SDCCAG8: variants seen among roughly 807,000 people sequenced by gnomAD.
The protein encoded by SDCCAG8 is SHH signaling and ciliogenesis regulator SDCCAG8.
In SDCCAG8, 74 loss-of-function variants were observed where a neutral mutation model predicts 101.8. That is an observed-to-expected ratio of 0.73 (90% CI 0.60 to 0.88). SDCCAG8 has a LOEUF of 0.88. Ranked by LOEUF, SDCCAG8 falls within the 40% of genes least tolerant of loss-of-function variation. The probability of loss-of-function intolerance (pLI) is 0.00; values close to 1 mark genes in which losing one functional copy is unlikely to be tolerated. For synonymous variants in SDCCAG8, 281 were observed against 292.9 expected (o/e 0.96, Z 0.41); for missense variants, 787 against 822.6 (o/e 0.96, Z 0.53).
chr1:243,270,708 T>G (rs954574838), intron 2 of SDCCAG8, among the ~76,000 whole-genome samples: 2 of 152,312 alleles, frequency 1.3e-5, no homozygotes, highest in East Asian at 3.9e-4. Context: ...AATTAGCTTC[T>G]TCCTCTTCTT....
chr1:243,373,030 C>A (rs1171159983), intron 12 of SDCCAG8, among the ~76,000 whole-genome samples: 6 of 150,964 alleles, frequency 4.0e-5, no homozygotes, highest in Non-Finnish European at 8.9e-5. Context: ...TAGGAAATGT[C>A]AGAGCACATC....
chr1:243,384,690 C>G lies in SDCCAG8; in HGVS notation c.1616+5827C>G, dbSNP rs576703257. ...ATGTACTGTGGTGCACACCTGCAGT[C>G]CCAGAAACTTGGGAGGCTGAGGTAG... On this transcript the variant is annotated intron_variant, in intron 13 of 17. Coordinates refer to ENST00000366541, the MANE Select transcript of SDCCAG8 (RefSeq NM_006642.5). 3.3e-4 allele frequency among the ~76,000 whole-genome samples: 50 copies of G among 152,112 alleles called. No homozygotes were observed. The South Asian group carries it at 7.3e-3, about 22-fold the overall frequency.
At chr1:243,383,843 C>A (rs1487435893) in intron 13 of SDCCAG8, among the ~76,000 whole-genome samples, 1 of 152,178 alleles carries the variant, frequency 6.6e-6, no homozygotes, top group Non-Finnish European at 1.5e-5. Flanking sequence ...CTCTTACCTG[C>A]TGATTTCCAG....
intron 13 of SDCCAG8, among the ~76,000 whole-genome samples, chr1:243,413,220 T>G (rs2148006751): frequency 6.6e-6 from 1 of 152,318 alleles, no homozygotes; most frequent in Middle Eastern, 3.4e-3. Flanking sequence ...TATTTATCTA[T>G]TTTGAGACAG....
intron 6 of SDCCAG8, among the ~76,000 whole-genome samples, chr1:243,302,246 TCAAAA>T (rs902245997): frequency 7.2e-5 from 11 of 152,052 alleles, no homozygotes; most frequent in Admixed American, 1.3e-4. Flanking sequence ...AGAATCTGTC[TCAAAA>T]CAAAACAAAA....
At chr1:243,329,724 A>G (rs1296978623) in intron 9 of SDCCAG8, among the ~76,000 whole-genome samples, 1 of 152,180 alleles carries the variant, frequency 6.6e-6, no homozygotes, top group Non-Finnish European at 1.5e-5. Context: ...TACCCCATAT[A>G]TTTATACAAA....
chr1:243,372,146 A>G (rs1412904916), intron 12 of SDCCAG8, among the ~76,000 whole-genome samples: 4 of 152,112 alleles, frequency 2.6e-5, no homozygotes, highest in East Asian at 3.8e-4. Context: ...TCAGTATTAT[A>G]TACTACCTTA....
chr1:243,263,104 A>G (rs562202973), intron 1 of SDCCAG8, among the ~76,000 whole-genome samples: 15 of 152,324 alleles, frequency 9.8e-5, no homozygotes, highest in African/African-American at 2.6e-4. Flanking sequence ...TTTTCCATCA[A>G]GAGGCGGCAA....
rs542632635 is a variant in SDCCAG8 at position 243,353,490 on chromosome 1, CAAAAAA to C, written c.1473+9187_1473+9192del. ...TGGGCAGCAGAGCAAGATTCCATCT[CAAAAAA>C]AAAAAAAAAAAAAAAAAAAAAAAAA... On this transcript the variant is annotated intron_variant, in intron 12 of 17. Coordinates refer to ENST00000366541, the MANE Select transcript of SDCCAG8 (RefSeq NM_006642.5). 5.4e-4 allele frequency among the ~76,000 whole-genome samples: 15 copies of C among 27,604 alleles called. No homozygotes were observed. In the East Asian group the frequency reaches 6.8e-3, roughly 12 times the overall value. The allele number at this position is 27,604 out of a possible 152,430, so 18.1% of individuals were successfully genotyped here. A position where few individuals can be genotyped will look rare whatever the true frequency, so the allele number is the denominator to read the frequency against.
intron 12 of SDCCAG8, among the ~76,000 whole-genome samples, chr1:243,372,704 A>G (rs952816637): frequency 6.6e-6 from 1 of 151,668 alleles, no homozygotes; most frequent in Non-Finnish European, 1.5e-5. Flanking sequence ...TTTTTTAAGA[A>G]GTGGAATTGG....
At chr1:243,291,589 T>C (rs550746557) in intron 5 of SDCCAG8, among the ~76,000 whole-genome samples, 1 of 152,328 alleles carries the variant, frequency 6.6e-6, no homozygotes, top group Admixed American at 6.5e-5. Context: ...TTCTTTTTAC[T>C]GAAGATAAAT....
intron 7 of SDCCAG8, chr1:243,306,212 A>T (rs1311186064): frequency 6.6e-6 from 1 of 151,138 alleles, no homozygotes; most frequent in Non-Finnish European, 1.5e-5. Flanking sequence ...TCTCTTAGAG[A>T]TTTTTACTTT....
At chr1:243,418,322 A>G (rs2148019395) in intron 15 of SDCCAG8, among the ~76,000 whole-genome samples, 1 of 152,304 alleles carries the variant, frequency 6.6e-6, no homozygotes, top group South Asian at 2.1e-4. Flanking sequence ...AAAACTGTGA[A>G]ATTTCAGGAA....
intron 10 of SDCCAG8, among the ~76,000 whole-genome samples, chr1:243,331,613 A>C (rs1000027849): frequency 2.6e-5 from 4 of 152,110 alleles, no homozygotes; most frequent in Non-Finnish European, 5.9e-5. Flanking sequence ...CATTTTTAAA[A>C]ATTGTGTCTG....
intron 13 of SDCCAG8, among the ~76,000 whole-genome samples, chr1:243,404,686 A>G (rs2079635259): frequency 6.6e-6 from 1 of 152,182 alleles, no homozygotes; most frequent in Non-Finnish European, 1.5e-5. Context: ...CAAACTCTAA[A>G]AATGGACTAC....
chr1:243,481,917 C>G (rs1326207388), intron 16 of SDCCAG8, among the ~76,000 whole-genome samples: 1 of 152,204 alleles, frequency 6.6e-6, no homozygotes, highest in Non-Finnish European at 1.5e-5. Context: ...AGGATATAGG[C>G]CCCCTCTGGG....
At chr1:243,283,646 T>C (rs894133228) in intron 4 of SDCCAG8, among the ~76,000 whole-genome samples, 3 of 152,128 alleles carry the variant, frequency 2.0e-5, no homozygotes, top group African/African-American at 7.2e-5. Context: ...TTTCTTTTCA[T>C]AGAGTTTTCA....
chr1:243,281,284 T>G (rs1303717713), intron 4 of SDCCAG8, among the ~76,000 whole-genome samples: 1 of 151,758 alleles, frequency 6.6e-6, no homozygotes, highest in East Asian at 1.9e-4. Context: ...GGCTTTTTTT[T>G]TTGTTTTGAG....
At chr1:243,293,657 T>C (rs1440089020) in intron 6 of SDCCAG8, among the ~76,000 whole-genome samples, 1 of 152,242 alleles carries the variant, frequency 6.6e-6, no homozygotes, top group African/African-American at 2.4e-5. Context: ...ATTGTATGTA[T>C]GTTACCAAAC....
Sources: allele counts gnomAD v4.1 joint callset (sites outside exome capture counted in the v4.1 genomes callset), GRCh38; gene constraint gnomAD v4.1.1; transcripts MANE v1.5; gene names NCBI Gene and HGNC (gene_info 2026-07-23, HGNC 2026-07-21).